The following SASH1 variants were observed in gnomAD, a reference collection of about 807,000 sequenced individuals.
The protein encoded by SASH1 is SAM and SH3 domain-containing protein 1.
SASH1 carries 44 observed loss-of-function variants against 125.2 expected under a neutral mutation model. The observed-to-expected ratio is 0.35, with a 90% CI of 0.28 to 0.45. SASH1 has a LOEUF of 0.45. SASH1 is among the 20% of genes least tolerant of loss of function. The pLI is 1.00. For synonymous variants in SASH1, 639 were observed against 649.1 expected, an observed-to-expected ratio of 0.98 and a Z score of 0.24; for missense variants, 1,426 against 1,614.5, an observed-to-expected ratio of 0.88 and a Z score of 2.00.
intron 2 of SASH1, among the ~76,000 whole-genome samples, chr6:148,419,895 A>G (rs1784983970): frequency 1.3e-5 from 2 of 152,356 alleles, no homozygotes; most frequent in South Asian, 2.1e-4. Flanking sequence ...ACAACAAGAA[A>G]ATACTTTAAT....
intron 1 of SASH1, among the ~76,000 whole-genome samples, chr6:148,388,810 A>C (rs1783584017): frequency 6.6e-6 from 1 of 152,260 alleles, no homozygotes; most frequent in Non-Finnish European, 1.5e-5. Flanking sequence ...TGGGCAGTGC[A>C]CCAACATTAA....
In SASH1 at chr6:148,533,749, A is replaced by G. The variant is rs1781666595; in HGVS notation, c.1735-22A>G. ...TTCATGGAATGTACCTAATGGAAAGATCTTTGCTCCCTGGGCCACAGAAAG... is the reference window on the plus strand; with the variant it reads ...TTCATGGAATGTACCTAATGGAAAGGTCTTTGCTCCCTGGGCCACAGAAAG... On this transcript the variant is annotated intron_variant, in intron 14 of 19. Coordinates refer to ENST00000367467, the MANE Select transcript of SASH1 (RefSeq NM_015278.5). The surrounding 1 kb of genome is among the most constrained non-coding windows in gnomAD (Gnocchi z 6.2). The G allele has an allele frequency of 6.2e-7, 1 of 1,601,252 alleles. No homozygotes were observed.
At position 148,487,611 on chromosome 6, in the gene SASH1, C is replaced by T. The variant is rs764859514; in HGVS notation, c.628-3C>T. ...TTTCAGTATCCATTTCTTCTTGTTA[C>T]AGCTCAAGGAATACGAGGCCCAGCA... On this transcript the variant is annotated splice_region_variant and splice_polypyrimidine_tract_variant and intron_variant, in intron 7 of 19. Transcript: ENST00000367467. 1.9e-5 allele frequency: 30 copies of T among 1,609,580 alleles called. No individual in the cohort carries two copies. The highest frequency in any genetic ancestry group is 2.2e-5 in the Non-Finnish European group (26 of 1,176,976).
chr6:148,457,942 A>G (rs1264761249), intron 4 of SASH1, among the ~76,000 whole-genome samples: 2 of 152,206 alleles, frequency 1.3e-5, no homozygotes, highest in Non-Finnish European at 2.9e-5. Flanking sequence ...CATGAGGGTA[A>G]CCGCCCCCAT....
intron 1 of SASH1, among the ~76,000 whole-genome samples, chr6:148,389,903 A>G (rs924963114): frequency 2.6e-5 from 4 of 152,188 alleles, no homozygotes; most frequent in African/African-American, 9.6e-5. Context: ...CAGTCGCTCA[A>G]CTTCTTTGAG....
chr6:148,322,378 T>C (rs1780655361), intron 1 of SASH1, among the ~76,000 whole-genome samples: 1 of 152,056 alleles, frequency 6.6e-6, no homozygotes, highest in Non-Finnish European at 1.5e-5. Context: ...TAAAATAAAA[T>C]AAAAAGAAAC....
chr6:148,401,345 T>A (rs1426789328), intron 2 of SASH1, among the ~76,000 whole-genome samples: 2 of 151,816 alleles, frequency 1.3e-5, no homozygotes, highest in African/African-American at 4.8e-5. Flanking sequence ...GCTCATGGGG[T>A]AACTTTGGAA....
At chr6:148,255,344 G>A in the SASH1 span, among the ~76,000 whole-genome samples, 13 of 152,036 alleles carry the variant, frequency 8.6e-5, no homozygotes, top group African/African-American at 2.4e-4. Flanking sequence ...CACATTCCTC[G>A]GGTCTCTTCC....
intron 8 of SASH1, among the ~76,000 whole-genome samples, chr6:148,507,876 C>T (rs1320110443): frequency 6.6e-6 from 1 of 152,170 alleles, no homozygotes; most frequent in East Asian, 1.9e-4. Context: ...ATGACTTACC[C>T]AAGTGAATGA....
intron 11 of SASH1, 90 bp from the exon 12 acceptor site, chr6:148,527,363 T>G: frequency 8.5e-7 from 1 of 1,177,568 alleles, no homozygotes; most frequent in Non-Finnish European, 1.2e-6. Context: ...ATGTCAATAT[T>G]TCTGAGAGCT....
chr6:148,326,260 C>T (rs1311478845), intron 1 of SASH1, among the ~76,000 whole-genome samples: 2 of 130,274 alleles, frequency 1.5e-5, no homozygotes, highest in Non-Finnish European at 3.2e-5. Flanking sequence ...ACTCCTGACC[C>T]CAGGTGATCC....
chr6:148,345,176 G>A (rs535827188), intron 1 of SASH1, among the ~76,000 whole-genome samples: 5 of 152,270 alleles, frequency 3.3e-5, no homozygotes, highest in South Asian at 4.1e-4. Flanking sequence ...GGCTGGGGGC[G>A]GGGAGGATTG....
chr6:148,389,297 C>T (rs1313175102), intron 1 of SASH1, among the ~76,000 whole-genome samples: 1 of 152,140 alleles, frequency 6.6e-6, no homozygotes, highest in Non-Finnish European at 1.5e-5. Context: ...GTGCCTAAGG[C>T]CACTTAACCA....
chr6:148,542,132 G>A (rs962906955), intron 17 of SASH1, among the ~76,000 whole-genome samples: 3 of 152,198 alleles, frequency 2.0e-5, no homozygotes, highest in African/African-American at 7.2e-5. Flanking sequence ...GAATTCAGGT[G>A]TACCTGCTGA....
intron 1 of SASH1, among the ~76,000 whole-genome samples, chr6:148,331,538 C>G (rs1262355764): frequency 6.6e-6 from 1 of 152,040 alleles, no homozygotes; most frequent in African/African-American, 2.4e-5. Flanking sequence ...ATCATGTTGG[C>G]CAGGCTGGTC....
Position 148,474,184 on chromosome 6 carries a change from A to G in SASH1, c.589A>G (p.Lys197Glu), listed in dbSNP as rs778739745. 7 of 1,609,732 alleles carry G rather than the reference A, an allele frequency of 4.3e-6. No individual in the cohort carries two copies. The Admixed American group carries it at 1.2e-4, about 27-fold the overall frequency. The change falls in exon 7 of 20, where the codon AAA (lysine) becomes GAA (glutamate). Residue 197 changes from lysine (K) to glutamate (E), a missense_variant. Transcript: ENST00000367467. ...EERIQLMMMV[K>E]EKMITIEEAL... ...GCGGATTCAGCTAATGATGATGGTC[A>G]AAGAAAAGATGATCACAATTGAGGA...
chr6:148,276,987 G>A (rs574611892), intron 1 of SASH1, among the ~76,000 whole-genome samples: 1 of 152,212 alleles, frequency 6.6e-6, no homozygotes, highest in African/African-American at 2.4e-5. Flanking sequence ...TATGTGCCAG[G>A]CACTGTTCTA....
Position 148,428,720 on chromosome 6 carries a change from C to A in SASH1, c.286-11464C>A, listed in dbSNP as rs533575085. Among the ~76,000 whole-genome samples the A allele has an allele frequency of 1.5e-3, 230 of 151,446 alleles. No homozygotes were observed. The Middle Eastern group carries it at 0.017, about 11-fold the overall frequency. On this transcript the variant is annotated intron_variant, in intron 2 of 19. Transcript: ENST00000367467. ...AATGGCTGGGTGGAAATTGCCACTT[C>A]AGGTTTCTTTCTTATGAAAGCTTGC...
intron 4 of SASH1, among the ~76,000 whole-genome samples, chr6:148,453,868 G>A (rs1777216977): frequency 1.3e-5 from 2 of 152,178 alleles, no homozygotes; most frequent in African/African-American, 4.8e-5. Context: ...GCATCAGTCA[G>A]GGTTCTATTT....
Sources: allele counts gnomAD v4.1 joint callset (sites outside exome capture counted in the v4.1 genomes callset), GRCh38; gene constraint gnomAD v4.1.1; non-coding constraint Gnocchi (gnomAD v3.1); transcripts MANE v1.5; gene names NCBI Gene and HGNC (gene_info 2026-07-23, HGNC 2026-07-21).